Variants in IFIH1 observed in about 807,000 individuals in gnomAD.
IFIH1 encodes the protein interferon induced with helicase C domain 1, also known as interferon-induced helicase C domain-containing protein 1.
IFIH1 carries 125 observed loss-of-function variants against 107.4 expected under a neutral mutation model. The observed-to-expected ratio is 1.16, with a 90% confidence interval of 1.01 to 1.35. The LOEUF (loss-of-function observed/expected upper bound fraction) is 1.35. IFIH1 is among the 40% of genes most tolerant of loss of function. The pLI is 0.00. For missense variants in IFIH1, 1,333 were observed against 1,213.7 expected, an observed-to-expected ratio of 1.10 and a Z score of -1.46; for synonymous variants, 458 against 413.2, an observed-to-expected ratio of 1.11 and a Z score of -1.31.
rs140125523 is a variant in IFIH1, at chr2:162,288,134, C to T, written c.1095+1G>A. 93 of 1,585,614 alleles carry T rather than the reference C, an allele frequency of 5.9e-5. No individual in the cohort carries two copies. The highest frequency in any genetic ancestry group is 7.5e-5 in the Non-Finnish European group (87 of 1,156,254). ...ACTAGTGTTATGTGTTCTTTGAATACCTTATTGACAAGAACTATAACTTTT... is the reference window on the plus strand; with the variant it reads ...ACTAGTGTTATGTGTTCTTTGAATATCTTATTGACAAGAACTATAACTTTT... On this transcript the variant is annotated splice_donor_variant, in intron 5 of 15. Transcript: ENST00000649979. LOFTEE classifies it high-confidence loss of function.
rs1358451444 is a variant in IFIH1, at chr2:162,278,209, T to C, written c.1761A>G (p.Lys587=). The C allele has an allele frequency of 1.9e-6, 3 of 1,603,344 alleles. No individual in the cohort carries two copies. The South Asian group carries it at 3.4e-5, about 18-fold the overall frequency. ...TTAGGTCCAAACCTAAATTACCTTT[T>C]TTTTCCATTTGAATGGCCCATTGTT... The part of the protein sequence containing the change: ...PYEQWAIQME[K]KAAKEGNRKE... The change falls in exon 9 of 16, where the codon AAA becomes AAG. Residue 587 remains lysine, a synonymous_variant. Transcript: ENST00000649979.
intron 2 of IFIH1, among the ~76,000 whole-genome samples, chr2:162,308,894 T>A (rs1171473825): frequency 6.6e-6 from 1 of 152,128 alleles, no homozygotes; most frequent in East Asian, 1.9e-4. Flanking sequence ...AAGTCTAAAG[T>A]CAAAAGTCTC....
Position 162,272,230 on chromosome 2 carries a change from T to A in IFIH1, c.2612A>T (p.His871Leu). 2 of 1,610,132 alleles carry A rather than the reference T, an allele frequency of 1.2e-6. No individual in the cohort carries two copies. The highest frequency in any genetic ancestry group is 4.5e-5 in the East Asian group (2 of 44,800). Residue 871 changes from histidine to leucine, a missense_variant, in exon 13 of 16, where the codon CAT becomes CTT. Physicochemically the swap from His to Leu is moderately conservative, Grantham distance 99. Transcript: ENST00000649979. ...TTCAGAGGTGACCAACAATACCTTA[T>A]GAGCATACTCCTCTGGTTTCATATT... ...VQNMKPEEYA[H>L]KILELQMQSI... is the part of the protein sequence containing the mutation.
chr2:162,314,407 C>CT (rs1314419858), intron 1 of IFIH1, among the ~76,000 whole-genome samples: 39 of 63,686 alleles, frequency 6.1e-4, no homozygotes, highest in African/African-American at 1.8e-3. Context: ...TCCTTTCTTT[C>CT]TTTCTTTCTT....
intron 10 of IFIH1, 48 bp from the exon 11 acceptor site, chr2:162,276,994 A>G: frequency 7.2e-7 from 1 of 1,395,118 alleles, no homozygotes; most frequent in Non-Finnish European, 9.8e-7. Context: ...TGATTTAGCC[A>G]CTCCACAATG....
chr2:162,310,734 G>A (rs1416052585), intron 2 of IFIH1, 31 bp downstream of exon 2: 12 of 1,583,662 alleles, frequency 7.6e-6, no homozygotes, highest in Non-Finnish European at 9.5e-6. Flanking sequence ...GGCAGAATTT[G>A]AAGAATCTTC....
At chr2:162,301,675 T>G (rs1297075059) in intron 3 of IFIH1, among the ~76,000 whole-genome samples, 1 of 152,206 alleles carries the variant, frequency 6.6e-6, no homozygotes, top group Non-Finnish European at 1.5e-5. Flanking sequence ...ACTGTTCGCT[T>G]TTAGAAGTAA....
chr2:162,273,566 T>A (rs1691087520), intron 12 of IFIH1, among the ~76,000 whole-genome samples: 1 of 152,120 alleles, frequency 6.6e-6, no homozygotes, highest in Non-Finnish European at 1.5e-5. Flanking sequence ...CAGAAATAGC[T>A]AAAGAGGAGT....
At chr2:162,317,764 G>T (rs1683529249) in intron 1 of IFIH1, 91 bp downstream of exon 1, 2 of 1,028,046 alleles carry the variant, frequency 1.9e-6, no homozygotes, top group Admixed American at 4.7e-5. Context: ...GCCCAAAGAG[G>T]TCAAGCACAT....
Position 162,318,016 on chromosome 2 carries a change from C to G in IFIH1, c.292G>C (p.Glu98Gln), listed in dbSNP as rs150881745. The change falls in exon 1 of 16, where the codon GAG becomes CAG. Residue 98 changes from glutamate (E) to glutamine (Q), a missense_variant. Physicochemically the swap from Glu to Gln is conservative, Grantham distance 29 (BLOSUM62 2). Transcript: ENST00000649979. The part of the protein sequence containing the change: ...SPLAARYMNP[E>Q]LTDLPSPSFE... ...GATGGAGAGGGCAAGTCCGTGAGCT[C>G]AGGGTTCATGTAGCGGGCGGCCAGA... 1 of 1,614,076 alleles carries G rather than the reference C, an allele frequency of 6.2e-7. No individual in the cohort carries two copies. Among genetic ancestry groups the G allele is most frequent in the African/African-American group, 1.3e-5 (1 of 74,942 alleles).
At chr2:162,312,278 G>A (rs183131076) in intron 1 of IFIH1, among the ~76,000 whole-genome samples, 20 of 152,238 alleles carry the variant, frequency 1.3e-4, no homozygotes, top group African/African-American at 4.3e-4. Context: ...AGCACATACA[G>A]CATGGTCTCT....
intron 2 of IFIH1, among the ~76,000 whole-genome samples, chr2:162,309,794 A>C (rs1310611576): frequency 1.3e-5 from 2 of 152,040 alleles, no homozygotes; most frequent in Non-Finnish European, 2.9e-5. Flanking sequence ...CTTCTTTTGC[A>C]TTTTACTATA....
At chr2:162,310,125 C>A in intron 2 of IFIH1, 1 of 152,314 alleles carries the variant, frequency 6.6e-6, no homozygotes, top group African/African-American at 2.4e-5. Context: ...TAGTTAGGGT[C>A]ACCAGAACAA....
At chr2:162,315,572 A>C (rs1576241478) in intron 1 of IFIH1, among the ~76,000 whole-genome samples, 1 of 152,328 alleles carries the variant, frequency 6.6e-6, no homozygotes, top group East Asian at 1.9e-4. Context: ...TTCTGATTTG[A>C]TGTTGACTAA....
At position 162,318,058 on chromosome 2, in the gene IFIH1, G is replaced by C; in HGVS notation, c.250C>G (p.Arg84Gly). ...GWTREFVEALRRTGSPLAARY... is the reference protein window; with the variant it reads ...GWTREFVEALGRTGSPLAARY... ...GCGGCCAGAGGGCTGCCGGTTCTCC[G>C]GAGGGCCTCCACGAATTCCCGAGTC... The change falls in exon 1 of 16, where the codon CGG becomes GGG. Residue 84 changes from arginine (R) to glycine (G), a missense_variant. Physicochemically the swap from Arg to Gly is moderately radical, Grantham distance 125. Transcript: ENST00000649979. The C allele has an allele frequency of 1.9e-6, 3 of 1,614,176 alleles. No homozygotes were observed. The highest frequency in any genetic ancestry group is 2.5e-6 in the Non-Finnish European group (3 of 1,180,038).
intron 2 of IFIH1, among the ~76,000 whole-genome samples, chr2:162,308,870 GA>G (rs1430651037): frequency 2.9e-4 from 44 of 152,270 alleles, no homozygotes; most frequent in Non-Finnish European, 4.4e-5. Context: ...TTAACTCACT[GA>G]AGCATGAACT....
intron 4 of IFIH1, among the ~76,000 whole-genome samples, chr2:162,289,691 C>T (rs1387136881): frequency 2.0e-5 from 3 of 151,738 alleles, no homozygotes; most frequent in Admixed American, 2.0e-4. Context: ...AAATTCACAC[C>T]AAATACCACT....
At chr2:162,310,064 G>A (rs778790608) in intron 2 of IFIH1, 5 of 152,120 alleles carry the variant, frequency 3.3e-5, no homozygotes, top group African/African-American at 9.7e-5. Context: ...ACTTCCACAC[G>A]TTTAGGTGTT....
At chr2:162,283,953 A>G (rs527405248) in intron 5 of IFIH1, among the ~76,000 whole-genome samples, 1 of 151,752 alleles carries the variant, frequency 6.6e-6, no homozygotes, top group Non-Finnish European at 1.5e-5. Flanking sequence ...AAGGGTAGAA[A>G]GAGTAAGAAG....
Sources: allele counts gnomAD v4.1 joint callset (sites outside exome capture counted in the v4.1 genomes callset), GRCh38; gene constraint gnomAD v4.1.1; transcripts MANE v1.5; gene names NCBI Gene and HGNC (gene_info 2026-07-23, HGNC 2026-07-21).